PTPRT: variants seen among roughly 807,000 people sequenced by gnomAD.
PTPRT encodes receptor-type tyrosine-protein phosphatase T.
Under a neutral mutation model 176.8 loss-of-function variants are expected in PTPRT, and 56 were observed. That is an observed-to-expected ratio of 0.32 (90% CI 0.26 to 0.40). The LOEUF is 0.40. Ranked by LOEUF, PTPRT falls within the 10% of genes least tolerant of loss-of-function variation. The probability of loss-of-function intolerance (pLI) is 1.00; values close to 1 mark genes in which losing one functional copy is unlikely to be tolerated. For missense variants in PTPRT, 1,540 were observed against 1,908.2 expected (o/e 0.81, Z 3.60); for synonymous variants, 783 against 739.0 (o/e 1.06, Z -0.96).
intron 7 of PTPRT, among the ~76,000 whole-genome samples, chr20:42,515,209 G>T (rs1003805731): frequency 5.9e-5 from 9 of 152,178 alleles, no homozygotes; most frequent in African/African-American, 1.9e-4. Flanking sequence ...ACAAGTTTGG[G>T]CATGGTGGCT....
chr20:42,757,953 G>T (rs1015314), intron 5 of PTPRT, among the ~76,000 whole-genome samples: 26,022 of 152,102 alleles, frequency 0.17, 2,384 homozygotes, highest in African/African-American at 0.22. Flanking sequence ...AATCTTCATT[G>T]TGTCTTCACA....
chr20:42,199,218 C>T, intron 16 of PTPRT, 22 bp downstream of exon 16: 1 of 1,612,368 alleles, frequency 6.2e-7, no homozygotes, highest in Non-Finnish European at 8.5e-7. Context: ...ATGTCCCCTT[C>T]CCCTTTGTTG....
intron 7 of PTPRT, among the ~76,000 whole-genome samples, chr20:42,497,635 C>A (rs1601132801): frequency 6.6e-6 from 1 of 151,946 alleles, no homozygotes; most frequent in South Asian, 2.1e-4. Flanking sequence ...AACAAGCCAC[C>A]CTTTGCTGGC....
chr20:43,173,956 G>C, intron 1 of PTPRT, among the ~76,000 whole-genome samples: 1 of 152,184 alleles, frequency 6.6e-6, no homozygotes, highest in East Asian at 1.9e-4. Flanking sequence ...CCAAGCCCTT[G>C]AACCTCCATA....
intron 1 of PTPRT, among the ~76,000 whole-genome samples, chr20:43,049,090 C>T (rs1240925445): frequency 6.6e-6 from 1 of 152,176 alleles, no homozygotes; most frequent in Admixed American, 6.5e-5. Flanking sequence ...CCCTGTTCTC[C>T]ATCTCTCCTT....
rs954549656 is a variant in PTPRT at position 43,087,129 on chromosome 20, C to T, written c.88+102517G>A. Among the ~76,000 whole-genome samples the T allele has an allele frequency of 5.3e-5, 8 of 152,166 alleles. No individual in the cohort carries two copies. In the East Asian group the frequency reaches 1.5e-3, roughly 29 times the overall value. On this transcript the variant is annotated intron_variant, in intron 1 of 30. Transcript: ENST00000373187. ...TTCTGTCCATACAGTTTTGTCTTTT[C>T]CAGAATTATGAATCTAATTTCTGTC...
intron 2 of PTPRT, among the ~76,000 whole-genome samples, chr20:42,883,330 C>A (rs997862930): frequency 6.6e-6 from 1 of 152,032 alleles, no homozygotes; most frequent in African/African-American, 2.4e-5. Context: ...GAGGCTTGGG[C>A]AGACCCAAAC....
chr20:43,161,717 T>A (rs746054762), intron 1 of PTPRT, among the ~76,000 whole-genome samples: 1 of 151,918 alleles, frequency 6.6e-6, no homozygotes, highest in Non-Finnish European at 1.5e-5. Context: ...AAGCACCTTT[T>A]CCCCATTTTT....
At chr20:43,155,067 G>A (rs541451206) in intron 1 of PTPRT, among the ~76,000 whole-genome samples, 1 of 152,284 alleles carries the variant, frequency 6.6e-6, no homozygotes, top group South Asian at 2.1e-4. Flanking sequence ...GAGAGGATGT[G>A]GAGAAGATAG....
chr20:42,903,261 G>C (rs572221478), intron 1 of PTPRT, among the ~76,000 whole-genome samples: 1 of 152,280 alleles, frequency 6.6e-6, no homozygotes, highest in East Asian at 1.9e-4. Flanking sequence ...TAAATAAACT[G>C]AAAATCCAGC....
At chr20:42,703,811 G>A (rs1367052774) in intron 6 of PTPRT, among the ~76,000 whole-genome samples, 5 of 152,112 alleles carry the variant, frequency 3.3e-5, no homozygotes, top group African/African-American at 4.8e-5. Context: ...CCCTGCACAC[G>A]AGCTCTCTGC....
rs77819864 is a variant in PTPRT at position 42,694,426 on chromosome 20, T to C, written c.860-16267A>G. Among the ~76,000 whole-genome samples, 727 of 152,348 alleles carry C rather than the reference T, an allele frequency of 4.8e-3. 9 individuals carry two copies. The highest frequency in any genetic ancestry group is 0.016 in the African/African-American group (682 of 41,580). On this transcript the variant is annotated intron_variant, in intron 6 of 30. Coordinates refer to ENST00000373187, the MANE Select transcript of PTPRT (RefSeq NM_007050.6). ...ATATACATATGGGTCTATTGTTGTGTTGAATGTTGTTTAACCATTCTCCCG... is the reference window on the plus strand; with the variant it reads ...ATATACATATGGGTCTATTGTTGTGCTGAATGTTGTTTAACCATTCTCCCG...
At chr20:42,662,293 A>G (rs1384653414) in intron 7 of PTPRT, among the ~76,000 whole-genome samples, 1 of 152,156 alleles carries the variant, frequency 6.6e-6, no homozygotes, top group Non-Finnish European at 1.5e-5. Flanking sequence ...TTAAAGTACC[A>G]AAGGCTCCAA....
chr20:42,859,344 G>T (rs1397933635), intron 2 of PTPRT, among the ~76,000 whole-genome samples: 1 of 152,116 alleles, frequency 6.6e-6, no homozygotes, highest in Non-Finnish European at 1.5e-5. Flanking sequence ...AAGACATAAA[G>T]TGTACATTTA....
the PTPRT span, among the ~76,000 whole-genome samples, chr20:42,039,203 A>T: frequency 6.6e-6 from 1 of 152,192 alleles, no homozygotes; most frequent in Non-Finnish European, 1.5e-5. Flanking sequence ...AATTTATTTT[A>T]AAAATGTTTA....
intron 1 of PTPRT, among the ~76,000 whole-genome samples, chr20:42,965,772 A>G (rs890317615): frequency 2.1e-4 from 32 of 152,232 alleles, no homozygotes; most frequent in African/African-American, 7.5e-4. Context: ...CAATTCATCT[A>G]TACATTTAAG....
In PTPRT at chr20:43,181,790, A is replaced by C. The variant is rs573033530; in HGVS notation, c.88+7856T>G. On this transcript the variant is annotated intron_variant, in intron 1 of 30. Coordinates refer to ENST00000373187, the MANE Select transcript of PTPRT (RefSeq NM_007050.6). ...ACAAAGGGACTAGGGCTCTTTAAAT[A>C]ATAACTACTATTATAATAATATAAT... Among the ~76,000 whole-genome samples, 66 of 152,226 alleles carry C rather than the reference A, an allele frequency of 4.3e-4. 1 individual carries two copies. Among genetic ancestry groups the C allele is most frequent in the Middle Eastern group, 3.4e-3 (1 of 294 alleles).
chr20:42,720,394 A>C (rs781474870), intron 6 of PTPRT, among the ~76,000 whole-genome samples: 1 of 152,214 alleles, frequency 6.6e-6, no homozygotes, highest in Non-Finnish European at 1.5e-5. Flanking sequence ...AAGAGAATGC[A>C]TATAAGCAAG....
At chr20:43,014,232 G>A (rs746860624) in intron 1 of PTPRT, among the ~76,000 whole-genome samples, 7 of 152,126 alleles carry the variant, frequency 4.6e-5, no homozygotes, top group Admixed American at 1.3e-4. Flanking sequence ...TCTGATGGCT[G>A]GAACCCTCCT....
Sources: gnomAD v4.1 joint callset for allele counts (sites outside exome capture counted in the v4.1 genomes callset) on GRCh38, gnomAD v4.1.1 for gene constraint, MANE v1.5 for transcripts, NCBI Gene and HGNC (gene_info 2026-07-23, HGNC 2026-07-21) for gene names.